ZC3H12B: variants seen among roughly 807,000 people sequenced by gnomAD.
ZC3H12B encodes the protein zinc finger CCCH-type containing 12B.
A neutral mutation model predicts 43.9 loss-of-function variants in ZC3H12B; 7 were observed. That is an observed-to-expected ratio of 0.16 (90% CI 0.09 to 0.30). The LOEUF (loss-of-function observed/expected upper bound fraction) is 0.30. Among genes scored for constraint, ZC3H12B ranks in the 10% least tolerant of loss-of-function variants. The pLI is 1.00. For missense variants in ZC3H12B, 475 were observed against 670.2 expected, an observed-to-expected ratio of 0.71 and a Z score of 3.22; for synonymous variants, 222 against 241.7, an observed-to-expected ratio of 0.92 and a Z score of 0.76.
intron 3 of ZC3H12B, among the ~76,000 whole-genome samples, chrX:65,476,886 A>G (rs2067998413): frequency 9.3e-6 from 1 of 107,379 alleles, no homozygotes. Context: ...CAGTGGTACA[A>G]TCTCAGCTCA....
chrX:65,450,813 ATG>A (rs1348039214), intron 3 of ZC3H12B, among the ~76,000 whole-genome samples: 1 of 80,096 alleles, frequency 1.2e-5, no homozygotes, highest in East Asian at 4.0e-4. Flanking sequence ...ATGTGTATAT[ATG>A]TATATATATA....
chrX:65,119,810 A>G, the ZC3H12B span, among the ~76,000 whole-genome samples: 3 of 111,843 alleles, frequency 2.7e-5, no homozygotes, highest in East Asian at 8.4e-4. Context: ...ATCCATCCTG[A>G]ATTAATTTTT....
the ZC3H12B span, among the ~76,000 whole-genome samples, chrX:65,289,802 G>A: frequency 9.1e-6 from 1 of 110,268 alleles, no homozygotes. Flanking sequence ...AATGAAACTT[G>A]ACTTCTATCT....
At chrX:65,505,206 G>GT (rs765166061) in exon 5 of ZC3H12B, 1 of 112,416 alleles carries the variant, frequency 8.9e-6, no homozygotes, top group East Asian at 2.8e-4. Context: ...TTCTATGATC[G>GT]TTTTTTCATG....
chrX:65,047,426 ATG>A, the ZC3H12B span, among the ~76,000 whole-genome samples: 1 of 109,822 alleles, frequency 9.1e-6, no homozygotes. Flanking sequence ...CACTCTGTGT[ATG>A]TGTGTGTGTG....
the ZC3H12B span, among the ~76,000 whole-genome samples, chrX:65,150,442 A>T: frequency 9.1e-6 from 1 of 109,984 alleles, no homozygotes; most frequent in Non-Finnish European, 1.9e-5. Context: ...TTCGTGTGCC[A>T]TGGTGATTTG....
At chrX:65,276,390 A>T in the ZC3H12B span, among the ~76,000 whole-genome samples, 1 of 111,430 alleles carries the variant, frequency 9.0e-6, no homozygotes, top group African/African-American at 3.3e-5. Context: ...TGCAAGACAC[A>T]TTAGAGTCAA....
At chrX:65,189,573 T>G in the ZC3H12B span, among the ~76,000 whole-genome samples, 1 of 107,131 alleles carries the variant, frequency 9.3e-6, no homozygotes. Flanking sequence ...TTTCATGTGT[T>G]TTTTGGCTGC....
chrX:65,499,387 G>C (rs2068335031), intron 3 of ZC3H12B, 154 bp downstream of exon 8: 1 of 444,236 alleles, frequency 2.3e-6, no homozygotes. Context: ...ACCCTTAAGA[G>C]ACTCAAAGTG....
rs775772456 is a variant in ZC3H12B at position 65,503,241 on chromosome X, A to C, written c.*32A>C. ...ATAGTACTTATTTCTTTATACAAAT[A>C]TGAATATTAATACTAATAATACACT... On this transcript the variant is annotated 3_prime_UTR_variant, in exon 5 of 5. Coordinates refer to ENST00000338957, the Ensembl canonical transcript of ZC3H12B. The C allele has an allele frequency of 9.0e-6, 9 of 1,003,608 alleles. No homozygotes were observed. The Middle Eastern group carries it at 1.2e-3, about 134-fold the overall frequency. The allele number at this position is 1,003,608 out of a possible 1,213,427, so 82.7% of individuals were successfully genotyped here.
chrX:65,423,553 A>G (rs1326065136), intron 3 of ZC3H12B, among the ~76,000 whole-genome samples: 1 of 112,211 alleles, frequency 8.9e-6, no homozygotes, highest in Non-Finnish European at 1.9e-5. Flanking sequence ...CACCGTTCTA[A>G]CTGGCATGAG....
the ZC3H12B span, among the ~76,000 whole-genome samples, chrX:65,213,668 T>G: frequency 2.7e-5 from 3 of 110,632 alleles, no homozygotes; most frequent in Admixed American, 9.8e-5. Flanking sequence ...TTGTGTATAT[T>G]TCTCAAATTA....
chrX:65,223,351 G>C, the ZC3H12B span, among the ~76,000 whole-genome samples: 1 of 110,006 alleles, frequency 9.1e-6, no homozygotes, highest in Non-Finnish European at 1.9e-5. Context: ...TTAAATCTAA[G>C]ATCTGAAACT....
the ZC3H12B span, among the ~76,000 whole-genome samples, chrX:65,122,788 A>T: frequency 1.1e-3 from 125 of 111,641 alleles, no homozygotes; most frequent in African/African-American, 3.9e-3. Flanking sequence ...GAGACAAAGA[A>T]GGCCATTACA....
At chrX:65,474,764 C>A (rs2067970597) in intron 3 of ZC3H12B, among the ~76,000 whole-genome samples, 1 of 111,572 alleles carries the variant, frequency 9.0e-6, no homozygotes, top group Non-Finnish European at 1.9e-5. Context: ...GCTCATGCCA[C>A]CATGCCTGGC....
the ZC3H12B span, among the ~76,000 whole-genome samples, chrX:65,171,446 G>T: frequency 9.0e-6 from 1 of 110,943 alleles, no homozygotes; most frequent in Non-Finnish European, 1.9e-5. Context: ...GTGTCAGTCG[G>T]CCCGTATTGG....
At chrX:65,218,714 CT>C in the ZC3H12B span, among the ~76,000 whole-genome samples, 28 of 111,425 alleles carry the variant, frequency 2.5e-4, no homozygotes, top group Non-Finnish European at 4.1e-4. Context: ...CTGCTCCCAC[CT>C]GATGGTCTTT....
At chrX:65,468,308 T>C (rs2067852562) in intron 3 of ZC3H12B, among the ~76,000 whole-genome samples, 2 of 111,471 alleles carry the variant, frequency 1.8e-5, no homozygotes, top group Admixed American at 1.9e-4. Context: ...TTTTCTTTGG[T>C]CTATGTATCT....
the ZC3H12B span, among the ~76,000 whole-genome samples, chrX:65,067,185 T>TAA: frequency 3.7e-3 from 374 of 101,007 alleles, 5 homozygotes; most frequent in African/African-American, 0.013. Context: ...GCCACTCTGT[T>TAA]AAAAAAAAAA....
Sources: allele counts gnomAD v4.1 joint callset (sites outside exome capture counted in the v4.1 genomes callset), GRCh38; gene constraint gnomAD v4.1.1; transcripts MANE v1.5; gene names NCBI Gene and HGNC (gene_info 2026-07-23, HGNC 2026-07-21).